The following RARA variants were observed in gnomAD, a reference collection of about 807,000 sequenced individuals.
RARA encodes retinoic acid receptor alpha.
RARA carries 5 observed loss-of-function variants against 42.8 expected under a neutral mutation model. That is an observed-to-expected ratio of 0.12 (90% CI 0.06 to 0.25). RARA has a LOEUF of 0.25. RARA is among the 10% of genes least tolerant of loss of function. RARA has a pLI of 1.00. For synonymous variants in RARA, 256 were observed against 259.5 expected (o/e 0.99, Z 0.13); for missense variants, 402 against 628.7 (o/e 0.64, Z 3.86).
intron 2 of RARA, among the ~76,000 whole-genome samples, chr17:40,344,098 G>C (rs904543035): frequency 6.6e-6 from 1 of 151,810 alleles, no homozygotes; most frequent in Non-Finnish European, 1.5e-5. Context: ...GGGTGGAGTG[G>C]GTCTCGGGGG....
chr17:40,343,976 C>G (rs1260347476), intron 2 of RARA, among the ~76,000 whole-genome samples: 1 of 152,100 alleles, frequency 6.6e-6, no homozygotes, highest in East Asian at 1.9e-4. Context: ...TTAGATGGCT[C>G]AGGTTTCTTC....
At chr17:40,314,931 C>T (rs2143160555) in intron 1 of RARA, among the ~76,000 whole-genome samples, 1 of 151,802 alleles carries the variant, frequency 6.6e-6, no homozygotes, top group African/African-American at 2.4e-5. Context: ...CTGGCATGTC[C>T]TGGCCCCACC....
Position 40,356,779 on chromosome 17 carries a change from A to G in RARA, c.*553A>G, listed in dbSNP as rs2143557693. ...TTTTGTTTTGATTTTTTTAATAAGA[A>G]TTTTCATTTTAAGCACATTTATACT... On this transcript the variant is annotated 3_prime_UTR_variant, in exon 9 of 9. Coordinates refer to ENST00000254066, the MANE Select transcript of RARA (RefSeq NM_000964.4). 4.2e-6 allele frequency: 2 copies of G among 473,998 alleles called. No homozygotes were observed. The highest frequency in any genetic ancestry group is 4.3e-5 in the East Asian group (1 of 23,028). 29.4% of individuals were successfully genotyped at this position (473,998 alleles called of 1,614,324 possible).
Position 40,355,154 on chromosome 17 carries a change from G to A in RARA, c.1013-109G>A, listed in dbSNP as rs1255538600. 2.8e-5 allele frequency: 38 copies of A among 1,358,094 alleles called. No homozygotes were observed. The highest frequency in any genetic ancestry group is 4.4e-5 in the African/African-American group (3 of 67,988). 84.1% of individuals were successfully genotyped at this position (1,358,094 alleles called of 1,614,324 possible). ...CATGCCCTGCCCTGTGTGGGGAGGC[G>A]CCTGCGAGCTGCCCTCCTCCATGGC... is the stretch of plus-strand genomic sequence containing the variant. On this transcript the variant is annotated intron_variant, in intron 7 of 8. Transcript: ENST00000254066. This position sits in a 1 kb window ranked among gnomAD's most constrained non-coding sequence, Gnocchi z 4.1.
At chr17:40,341,155 T>G (rs1477499748) in intron 2 of RARA, 1 of 446,998 alleles carries the variant, frequency 2.2e-6, no homozygotes, top group Non-Finnish European at 3.8e-6. Flanking sequence ...GAAACGTGCA[T>G]CCCGAGGGCT....
chr17:40,335,679 G>A (rs909181360), intron 2 of RARA, among the ~76,000 whole-genome samples: 1 of 148,590 alleles, frequency 6.7e-6, no homozygotes, highest in Non-Finnish European at 1.5e-5. Flanking sequence ...GATAGAGCGA[G>A]CCTCTGTCTC....
Position 40,350,123 on chromosome 17 carries a change from G to T in RARA, c.469+198G>T, listed in dbSNP as rs751952008. On this transcript the variant is annotated intron_variant, in intron 4 of 8. Coordinates refer to ENST00000254066, the MANE Select transcript of RARA (RefSeq NM_000964.4). ...CGAGTCTGGCTGGCTGTGTGTCCAC[G>T]GGCAGGTCTGTGCTCCGGGACCGTG... 5.3e-6 allele frequency: 4 copies of T among 756,182 alleles called. No homozygotes were observed. In the African/African-American group the frequency reaches 5.3e-5, roughly 10 times the overall value. The allele number at this position is 756,182 out of a possible 1,614,324, so 46.8% of individuals were successfully genotyped here.
At chr17:40,329,546 C>T (rs747674077) in intron 1 of RARA, among the ~76,000 whole-genome samples, 15 of 152,200 alleles carry the variant, frequency 9.9e-5, no homozygotes, top group Non-Finnish European at 2.1e-4. Flanking sequence ...TCTCAAACTC[C>T]TGACCTCAGG....
intron 2 of RARA, among the ~76,000 whole-genome samples, chr17:40,333,519 A>G (rs1357070013): frequency 6.7e-6 from 1 of 150,350 alleles, no homozygotes; most frequent in African/African-American, 2.5e-5. Flanking sequence ...TATTTTTAGT[A>G]GAGATGGGGT....
intron 1 of RARA, among the ~76,000 whole-genome samples, chr17:40,311,668 G>C (rs1415664579): frequency 6.6e-6 from 1 of 152,132 alleles, no homozygotes; most frequent in Non-Finnish European, 1.5e-5. Context: ...ACTGTCTCTG[G>C]GCTGGGCGCC....
Position 40,356,304 on chromosome 17 carries a change from C to CA in RARA, c.*79dup. ...CCTTTCTACCGACCATGTGACCCCGCACCAGCCCTGCCCCCACCTGCCCTC... is the reference window on the plus strand; with the variant it reads ...CCTTTCTACCGACCATGTGACCCCGCAACCAGCCCTGCCCCCACCTGCCCTC... On this transcript the variant is annotated 3_prime_UTR_variant, in exon 9 of 9. Transcript: ENST00000254066. 1.4e-6 allele frequency: 2 copies of CA among 1,433,266 alleles called. No homozygotes were observed. Among genetic ancestry groups the CA allele is most frequent in the Non-Finnish European group, 1.9e-6 (2 of 1,046,930 alleles). The allele number at this position is 1,433,266 out of a possible 1,614,324, so 88.8% of individuals were successfully genotyped here.
chr17:40,325,480 T>C (rs2033516832), intron 1 of RARA, among the ~76,000 whole-genome samples: 3 of 151,898 alleles, frequency 2.0e-5, no homozygotes, highest in Admixed American at 2.0e-4. Flanking sequence ...TGTCTGCAGA[T>C]ATGAGGGGCG....
At position 40,354,419 on chromosome 17, in the gene RARA, G is replaced by A; in HGVS notation, c.925G>A (p.Val309Ile). 6.2e-7 allele frequency: 1 copy of A among 1,614,156 alleles called. No individual in the cohort carries two copies. Among genetic ancestry groups the A allele is most frequent in the Non-Finnish European group, 8.5e-7 (1 of 1,180,042 alleles). ...NAGFGPLTDL[V>I]FAFANQLLPL... ...TGGCTTCGGCCCCCTCACCGACCTG[G>A]TCTTTGCCTTCGCCAACCAGCTGCT... The change falls in exon 7 of 9, where the codon GTC (valine) becomes ATC (isoleucine). Residue 309 changes from valine to isoleucine, a missense_variant. By Grantham distance (29) the Val-to-Ile change is conservative. Coordinates refer to ENST00000254066, the MANE Select transcript of RARA (RefSeq NM_000964.4). The surrounding 1 kb of genome is among the most constrained non-coding windows in gnomAD (Gnocchi z 4.5).
At chr17:40,324,752 T>C (rs1270795254) in intron 1 of RARA, among the ~76,000 whole-genome samples, 1 of 152,146 alleles carries the variant, frequency 6.6e-6, no homozygotes, top group East Asian at 1.9e-4. Flanking sequence ...CACCCGGAAG[T>C]GAGACACTAG....
chr17:40,323,738 G>T lies in RARA; in HGVS notation c.-362-7119G>T, dbSNP rs375762074. On this transcript the variant is annotated intron_variant, in intron 1 of 8. Coordinates refer to ENST00000254066, the MANE Select transcript of RARA (RefSeq NM_000964.4). The stretch of plus-strand genomic sequence containing the variant: ...GTGGAGTAGGAAGTTGCTTGGGGGG[G>T]GGTCAATGGGTCGGAGGGGGGGTAT... Among the ~76,000 whole-genome samples the T allele has an allele frequency of 2.9e-4, 41 of 140,616 alleles. No homozygotes were observed. In the South Asian group the frequency reaches 3.2e-3, roughly 11 times the overall value. 92.2% of individuals were successfully genotyped at this position (140,616 alleles called of 152,430 possible).
intron 1 of RARA, among the ~76,000 whole-genome samples, chr17:40,313,608 T>C (rs2033136464): frequency 3.9e-5 from 6 of 152,028 alleles, no homozygotes; most frequent in Admixed American, 2.6e-4. Context: ...CCTTCTTCCT[T>C]CAAATTAGTT....
At chr17:40,309,737 C>T (rs1190634686) in intron 1 of RARA, among the ~76,000 whole-genome samples, 1 of 152,184 alleles carries the variant, frequency 6.6e-6, no homozygotes, top group African/African-American at 2.4e-5. Context: ...GACTTTGCCC[C>T]TACTCCCTAC....
chr17:40,333,161 C>T (rs752139444), intron 2 of RARA, among the ~76,000 whole-genome samples: 17 of 152,114 alleles, frequency 1.1e-4, no homozygotes, highest in African/African-American at 1.4e-4. Context: ...GCAACTCTTC[C>T]GCTTCGGCCT....
intron 2 of RARA, chr17:40,341,456 C>G: frequency 6.6e-7 from 1 of 1,520,650 alleles, no homozygotes; most frequent in Non-Finnish European, 8.8e-7. Flanking sequence ...TGCACAATGT[C>G]ACACCCGGGT....
Sources: allele counts gnomAD v4.1 joint callset (sites outside exome capture counted in the v4.1 genomes callset), GRCh38; gene constraint gnomAD v4.1.1; non-coding constraint Gnocchi (gnomAD v3.1); transcripts MANE v1.5; gene names NCBI Gene and HGNC (gene_info 2026-07-23, HGNC 2026-07-21).